SUMF1: variants seen among roughly 807,000 people sequenced by gnomAD.
SUMF1 encodes the protein formylglycine-generating enzyme.
In SUMF1, 48 loss-of-function variants were observed where a neutral mutation model predicts 47.6. The ratio of observed to expected loss-of-function variants is 1.01; its 90% confidence interval spans 0.80 to 1.28. The LOEUF is 1.28. Ranked by LOEUF, SUMF1 falls within the 50% of genes most tolerant of loss-of-function variation. SUMF1 has a pLI of 0.00. For synonymous variants in SUMF1, 230 were observed against 192.1 expected, an observed-to-expected ratio of 1.20 and a Z score of -1.63; for missense variants, 571 against 485.4, an observed-to-expected ratio of 1.18 and a Z score of -1.66.
At chr3:4,039,182 T>G (rs1010098879) in intron 9 of SUMF1, among the ~76,000 whole-genome samples, 1 of 138,416 alleles carries the variant, frequency 7.2e-6, no homozygotes, top group Non-Finnish European at 1.5e-5. Context: ...ATAACTTCCT[T>G]CAAGCATGCC....
intron 8 of SUMF1, among the ~76,000 whole-genome samples, chr3:4,282,928 T>C (rs1192443172): frequency 6.6e-6 from 1 of 152,208 alleles, no homozygotes; most frequent in African/African-American, 2.4e-5. Flanking sequence ...GCTATTTTTA[T>C]TGCTCTCCTA....
At chr3:4,123,327 C>G (rs979934887) in intron 8 of SUMF1, among the ~76,000 whole-genome samples, 8 of 152,218 alleles carry the variant, frequency 5.3e-5, no homozygotes, top group African/African-American at 1.9e-4. Context: ...CTCACAATTC[C>G]TAACTCTATA....
At chr3:4,257,411 A>C (rs1279909733) in intron 8 of SUMF1, among the ~76,000 whole-genome samples, 1 of 146,582 alleles carries the variant, frequency 6.8e-6, no homozygotes, top group East Asian at 2.0e-4. Context: ...ACTTCAGCAA[A>C]GTCTCAGGAT....
chr3:4,178,468 A>G (rs1355957203), intron 8 of SUMF1, among the ~76,000 whole-genome samples: 1 of 152,216 alleles, frequency 6.6e-6, no homozygotes, highest in Non-Finnish European at 1.5e-5. Flanking sequence ...GATGCAGAAA[A>G]GGCCTTTGAC....
At chr3:4,035,516 CTTAAT>C (rs1389837838) in intron 9 of SUMF1, among the ~76,000 whole-genome samples, 1 of 152,172 alleles carries the variant, frequency 6.6e-6, no homozygotes, top group Non-Finnish European at 1.5e-5. Flanking sequence ...TATTTAGCTG[CTTAAT>C]TTAATTACAC....
intron 8 of SUMF1, among the ~76,000 whole-genome samples, chr3:4,343,008 A>C (rs1699302584): frequency 6.6e-6 from 1 of 152,256 alleles, no homozygotes; most frequent in Non-Finnish European, 1.5e-5. Context: ...GGACTTTAAA[A>C]GTATATAATC....
chr3:4,131,942 T>G (rs1413382788), intron 8 of SUMF1, among the ~76,000 whole-genome samples: 1 of 152,086 alleles, frequency 6.6e-6, no homozygotes, highest in Non-Finnish European at 1.5e-5. Context: ...AACATGGACT[T>G]TCACTCACCA....
At chr3:4,133,336 A>T (rs1459313846) in intron 8 of SUMF1, among the ~76,000 whole-genome samples, 1 of 152,092 alleles carries the variant, frequency 6.6e-6, no homozygotes, top group East Asian at 1.9e-4. Flanking sequence ...CATAATTATG[A>T]CCTTATTATT....
intron 8 of SUMF1, among the ~76,000 whole-genome samples, chr3:4,249,784 C>G (rs189256160): frequency 5.9e-5 from 9 of 152,160 alleles, no homozygotes; most frequent in Admixed American, 5.2e-4. Flanking sequence ...AGGCTGAAAG[C>G]TAGGCCTCTT....
intron 7 of SUMF1, among the ~76,000 whole-genome samples, chr3:4,400,911 T>C (rs1055942636): frequency 1.3e-5 from 2 of 151,894 alleles, no homozygotes; most frequent in African/African-American, 2.4e-5. Context: ...GTGTGCTGCA[T>C]CCATTAACTT....
intron 3 of SUMF1, among the ~76,000 whole-genome samples, chr3:4,434,854 C>T (rs562354477): frequency 9.6e-4 from 146 of 152,206 alleles, no homozygotes; most frequent in South Asian, 1.9e-3. Flanking sequence ...CCCAGAGACC[C>T]GATACTGGAG....
chr3:4,214,870 C>T (rs1037103098), intron 8 of SUMF1, among the ~76,000 whole-genome samples: 2 of 152,074 alleles, frequency 1.3e-5, no homozygotes, highest in Non-Finnish European at 2.9e-5. Flanking sequence ...CCTGAATAGA[C>T]CAATAACAAG....
At chr3:4,328,808 CTCA>C (rs1386476914) in intron 8 of SUMF1, among the ~76,000 whole-genome samples, 4 of 152,142 alleles carry the variant, frequency 2.6e-5, no homozygotes, top group Non-Finnish European at 4.4e-5. Context: ...AATCCAAAGT[CTCA>C]TCTGAGACAA....
intron 9 of SUMF1, among the ~76,000 whole-genome samples, chr3:4,035,387 C>T (rs1314750728): frequency 6.6e-6 from 1 of 152,140 alleles, no homozygotes; most frequent in African/African-American, 2.4e-5. Flanking sequence ...TCACTTCTAC[C>T]TCTGCCTCTG....
At chr3:4,175,275 C>T (rs1694933256) in intron 8 of SUMF1, among the ~76,000 whole-genome samples, 1 of 152,126 alleles carries the variant, frequency 6.6e-6, no homozygotes, top group Non-Finnish European at 1.5e-5. Context: ...GAGACACCTC[C>T]CAGTTGGGGT....
intron 8 of SUMF1, among the ~76,000 whole-genome samples, chr3:4,332,855 C>G (rs1226366981): frequency 1.3e-5 from 2 of 152,146 alleles, no homozygotes; most frequent in South Asian, 4.1e-4. Context: ...TTTGGCCCAC[C>G]ATGCCGCCTA....
At chr3:4,426,988 G>A (rs1186071640) in intron 3 of SUMF1, among the ~76,000 whole-genome samples, 1 of 152,212 alleles carries the variant, frequency 6.6e-6, no homozygotes, top group African/African-American at 2.4e-5. Flanking sequence ...GGACTTCAGA[G>A]AGCAAAGACA....
chr3:4,042,550 T>G (rs1694927375), intron 9 of SUMF1, among the ~76,000 whole-genome samples: 1 of 152,220 alleles, frequency 6.6e-6, no homozygotes, highest in Non-Finnish European at 1.5e-5. Context: ...CTGGTGTCAC[T>G]CTTGTTATTT....
intron 8 of SUMF1, among the ~76,000 whole-genome samples, chr3:4,312,076 T>C (rs1386578179): frequency 6.6e-6 from 1 of 152,226 alleles, no homozygotes; most frequent in East Asian, 1.9e-4. Flanking sequence ...CCTTTCTTAT[T>C]TAATTAGAAT....
Sources: gnomAD v4.1 joint callset for allele counts (sites outside exome capture counted in the v4.1 genomes callset) on GRCh38, gnomAD v4.1.1 for gene constraint, MANE v1.5 for transcripts, NCBI Gene and HGNC (gene_info 2026-07-23, HGNC 2026-07-21) for gene names.